Variants in ANO10 observed in about 807,000 individuals in gnomAD.
ANO10 encodes anoctamin-10.
A neutral mutation model predicts 74.7 loss-of-function variants in ANO10; 77 were observed. The observed-to-expected ratio is 1.03, with a 90% CI of 0.86 to 1.25. The LOEUF (loss-of-function observed/expected upper bound fraction) is 1.25, where lower values mean the gene tolerates loss of function less well. ANO10 is among the 50% of genes most tolerant of loss of function. The pLI, the probability that ANO10 is intolerant of heterozygous loss-of-function variation, is 0.00. For missense variants in ANO10, 721 were observed against 778.1 expected (o/e 0.93, Z 0.87); for synonymous variants, 279 against 284.9 (o/e 0.98, Z 0.21).
chr3:43,444,447 T>C (rs2093210897), intron 11 of ANO10, among the ~76,000 whole-genome samples: 2 of 152,182 alleles, frequency 1.3e-5, no homozygotes, highest in South Asian at 4.1e-4. Flanking sequence ...ACTTGACAAG[T>C]AAAAAAACCA....
chr3:43,443,702 C>T (rs765686488), intron 11 of ANO10, among the ~76,000 whole-genome samples: 3 of 53,812 alleles, frequency 5.6e-5, no homozygotes, highest in African/African-American at 2.1e-4. Context: ...TTTTTTTTGA[C>T]GGAGTTTCAC....
intron 12 of ANO10, among the ~76,000 whole-genome samples, chr3:43,409,971 TAAG>T (rs2092639037): frequency 6.6e-6 from 1 of 152,222 alleles, no homozygotes; most frequent in Admixed American, 6.5e-5. Context: ...AAGAAAATTG[TAAG>T]GAGGATGTAG....
intron 11 of ANO10, among the ~76,000 whole-genome samples, chr3:43,452,799 G>A (rs1021125124): frequency 6.6e-6 from 1 of 152,240 alleles, no homozygotes; most frequent in African/African-American, 2.4e-5. Flanking sequence ...CCCACCAGCA[G>A]TGTACAAGGG....
chr3:43,494,895 G>A (rs2076859357), intron 11 of ANO10, among the ~76,000 whole-genome samples: 1 of 152,020 alleles, frequency 6.6e-6, no homozygotes, highest in Non-Finnish European at 1.5e-5. Flanking sequence ...AATGAATTTT[G>A]TTGAAGCTGA....
chr3:43,402,749 A>T (rs2092506141), intron 12 of ANO10, among the ~76,000 whole-genome samples: 1 of 152,176 alleles, frequency 6.6e-6, no homozygotes, highest in South Asian at 2.1e-4. Flanking sequence ...CTATATTTAC[A>T]TGCTTTCCCT....
intron 12 of ANO10, among the ~76,000 whole-genome samples, chr3:43,406,902 G>C (rs899055328): frequency 6.8e-6 from 1 of 147,292 alleles, no homozygotes; most frequent in African/African-American, 2.4e-5. Context: ...TCTCGCAACA[G>C]AGATTTTTTT....
intron 7 of ANO10, among the ~76,000 whole-genome samples, chr3:43,572,423 G>T (rs1436865272): frequency 1.3e-5 from 2 of 152,184 alleles, no homozygotes; most frequent in Non-Finnish European, 2.9e-5. Context: ...ACTGGCAAGG[G>T]GGCCCCTGCC....
intron 11 of ANO10, 44 bp downstream of exon 11, chr3:43,549,676 C>T (rs1213695323): frequency 4.4e-6 from 7 of 1,608,586 alleles, no homozygotes; most frequent in South Asian, 2.2e-5. Context: ...AATAGAGAAA[C>T]GTAATATGGA....
chr3:43,641,324 C>T (rs75218883), intron 1 of ANO10, among the ~76,000 whole-genome samples: 2 of 152,156 alleles, frequency 1.3e-5, no homozygotes, highest in Non-Finnish European at 2.9e-5. Context: ...TATCACTCTA[C>T]TTGGAGAAAA....
intron 1 of ANO10, among the ~76,000 whole-genome samples, chr3:43,643,100 C>T (rs1471366550): frequency 3.3e-5 from 5 of 150,994 alleles, no homozygotes; most frequent in Admixed American, 1.3e-4. Context: ...GGCGCAATCT[C>T]GGCTCACTGC....
At chr3:43,463,268 G>A (rs954402826) in intron 11 of ANO10, among the ~76,000 whole-genome samples, 1 of 152,226 alleles carries the variant, frequency 6.6e-6, no homozygotes, top group African/African-American at 2.4e-5. Flanking sequence ...GAGGGAGGCT[G>A]TACCCTGCAA....
At chr3:43,375,308 C>T (rs182096312) in intron 12 of ANO10, among the ~76,000 whole-genome samples, 54 of 151,880 alleles carry the variant, frequency 3.6e-4, no homozygotes, top group Admixed American at 2.8e-3. Context: ...AATAGACAGG[C>T]GTGGTGGCGG....
At chr3:43,457,660 C>G (rs1047014653) in intron 11 of ANO10, among the ~76,000 whole-genome samples, 1 of 152,126 alleles carries the variant, frequency 6.6e-6, no homozygotes, top group African/African-American at 2.4e-5. Flanking sequence ...GAACACAGAG[C>G]CAAACCTGCT....
intron 12 of ANO10, among the ~76,000 whole-genome samples, chr3:43,389,252 G>A (rs2092211810): frequency 6.6e-6 from 1 of 152,192 alleles, no homozygotes; most frequent in Admixed American, 6.5e-5. Context: ...CATTACTAGT[G>A]CTTTCTTATA....
chr3:43,375,039 T>G (rs1300036913), intron 12 of ANO10, among the ~76,000 whole-genome samples: 2 of 151,864 alleles, frequency 1.3e-5, no homozygotes, highest in African/African-American at 4.8e-5. Flanking sequence ...GAGAACCACA[T>G]GAACCCGGGA....
chr3:43,451,249 C>T (rs920693296), intron 11 of ANO10, among the ~76,000 whole-genome samples: 1 of 152,176 alleles, frequency 6.6e-6, no homozygotes, highest in Non-Finnish European at 1.5e-5. Context: ...GCAAGGGCTA[C>T]TAGAAGACAC....
intron 11 of ANO10, among the ~76,000 whole-genome samples, chr3:43,512,910 A>AG (rs2077563570): frequency 6.6e-6 from 1 of 152,198 alleles, no homozygotes; most frequent in African/African-American, 2.4e-5. Flanking sequence ...CTTACTGCCT[A>AG]GACAAAGTCT....
At chr3:43,513,763 G>A (rs1376993183) in intron 11 of ANO10, among the ~76,000 whole-genome samples, 1 of 152,058 alleles carries the variant, frequency 6.6e-6, no homozygotes, top group African/African-American at 2.4e-5. Context: ...GCCTGCCTTG[G>A]CCTCCCAAAG....
chr3:43,567,946 G>A (rs536654211), intron 7 of ANO10, among the ~76,000 whole-genome samples: 35 of 152,140 alleles, frequency 2.3e-4, no homozygotes, highest in East Asian at 5.8e-4. Flanking sequence ...CCCATCTCAC[G>A]TGCAGAGACA....
Sources: allele counts gnomAD v4.1 joint callset (sites outside exome capture counted in the v4.1 genomes callset), GRCh38; gene constraint gnomAD v4.1.1; transcripts MANE v1.5; gene names NCBI Gene and HGNC (gene_info 2026-07-23, HGNC 2026-07-21).